Variants in TEX9 observed in about 807,000 individuals in gnomAD.
TEX9 encodes the protein testis-expressed protein 9.
Under a neutral mutation model 59.6 loss-of-function variants are expected in TEX9, and 74 were observed. The observed-to-expected ratio is 1.24, with a 90% CI of 1.03 to 1.51. The LOEUF (loss-of-function observed/expected upper bound fraction) is 1.51, where lower values mean the gene tolerates loss of function less well. TEX9 is among the 40% of genes most tolerant of loss of function. TEX9 has a pLI of 0.00. For missense variants in TEX9, 522 were observed against 447.8 expected, an observed-to-expected ratio of 1.17 and a Z score of -1.49; for synonymous variants, 186 against 152.2, an observed-to-expected ratio of 1.22 and a Z score of -1.64.
chr15:56,439,079 T>C (rs1261884140), intron 12 of TEX9, among the ~76,000 whole-genome samples: 3 of 152,080 alleles, frequency 2.0e-5, no homozygotes, highest in Non-Finnish European at 4.4e-5. Context: ...AGCTAACAAG[T>C]GAATTCAGCA....
At chr15:56,246,116 G>T (rs1051064945) in intron 1 of TEX9, among the ~76,000 whole-genome samples, 22 of 152,278 alleles carry the variant, frequency 1.4e-4, no homozygotes, top group African/African-American at 5.3e-4. Flanking sequence ...TGTCACACAG[G>T]CTGGCTTCCC....
At chr15:56,366,768 T>C (rs2046964802) in intron 2 of TEX9, among the ~76,000 whole-genome samples, 1 of 152,198 alleles carries the variant, frequency 6.6e-6, no homozygotes, top group Admixed American at 6.5e-5. Context: ...ACTAGAGTTA[T>C]CGTATGATCT....
At chr15:56,254,584 C>G (rs934593566) in intron 1 of TEX9, among the ~76,000 whole-genome samples, 6 of 151,282 alleles carry the variant, frequency 4.0e-5, no homozygotes, top group African/African-American at 1.5e-4. Flanking sequence ...TGACCCACAT[C>G]AAGCAGAAGG....
exon 1 of TEX9, chr15:56,365,459 G>A (rs769310746): frequency 1.7e-5 from 28 of 1,612,696 alleles, no homozygotes; most frequent in Non-Finnish European, 2.3e-5. Flanking sequence ...AGATGGCGGG[G>A]CGAAGTCTGT....
chr15:56,314,677 A>C (rs2045710705), intron 1 of TEX9, among the ~76,000 whole-genome samples: 1 of 152,134 alleles, frequency 6.6e-6, no homozygotes, highest in African/African-American at 2.4e-5. Flanking sequence ...TTCTTGGTGC[A>C]GAGCTGAGTT....
intron 1 of TEX9, among the ~76,000 whole-genome samples, chr15:56,356,423 A>C (rs2725865): frequency 0.048 from 7,348 of 152,092 alleles, 463 homozygotes; most frequent in African/African-American, 0.14. Flanking sequence ...GCCTGCATGC[A>C]TGTTTATCAT....
intron 1 of TEX9, chr15:56,244,402 G>A (rs1032599306): frequency 1.3e-5 from 2 of 152,074 alleles, no homozygotes; most frequent in Admixed American, 6.5e-5. Context: ...AGTGCTCCTC[G>A]GTCGGGCATT....
intron 1 of TEX9, among the ~76,000 whole-genome samples, chr15:56,301,061 G>A (rs555350572): frequency 2.0e-5 from 3 of 152,186 alleles, no homozygotes; most frequent in Non-Finnish European, 4.4e-5. Context: ...GTGACCTTTC[G>A]GACAGAGAAT....
At chr15:56,244,533 C>T (rs1297962975) in intron 1 of TEX9, among the ~76,000 whole-genome samples, 1 of 152,168 alleles carries the variant, frequency 6.6e-6, no homozygotes, top group Non-Finnish European at 1.5e-5. Context: ...GCAGCAGATT[C>T]ATTCTTCCTT....
chr15:56,332,723 C>CA (rs1232500155), intron 1 of TEX9, among the ~76,000 whole-genome samples: 6 of 149,560 alleles, frequency 4.0e-5, no homozygotes, highest in African/African-American at 9.8e-5. Flanking sequence ...GAAAAAACAT[C>CA]AAAAAAACAA....
the TEX9 span, among the ~76,000 whole-genome samples, chr15:56,457,781 C>T: frequency 6.6e-6 from 1 of 151,690 alleles, no homozygotes; most frequent in Admixed American, 6.6e-5. Flanking sequence ...TGCCACTGCA[C>T]TCCAGCTGGG....
At chr15:56,281,856 G>A (rs2044827632) in intron 1 of TEX9, among the ~76,000 whole-genome samples, 1 of 152,090 alleles carries the variant, frequency 6.6e-6, no homozygotes, top group South Asian at 2.1e-4. Context: ...GCAGTTTGAG[G>A]CACTTGATTC....
chr15:56,298,066 C>G (rs1216345703), intron 1 of TEX9, among the ~76,000 whole-genome samples: 1 of 152,130 alleles, frequency 6.6e-6, no homozygotes, highest in Non-Finnish European at 1.5e-5. Flanking sequence ...ATTTTAATAC[C>G]CCACCAAGTT....
Position 56,436,719 on chromosome 15 carries a change from T to TA in TEX9, c.*29+8248dup, listed in dbSNP as rs543830610. 4.0e-5 allele frequency among the ~76,000 whole-genome samples: 6 copies of TA among 151,798 alleles called. No homozygotes were observed. In the East Asian group the frequency reaches 1.2e-3, roughly 29 times the overall value. On this transcript the variant is annotated intron_variant, in intron 12 of 12. Coordinates refer to ENST00000352903, the Ensembl canonical transcript of TEX9. The stretch of plus-strand genomic sequence containing the variant: ...ATTGATAGACCGCTAGCAAGACTCA[T>TA]AACAAAGAAAAGAGAGAAGAATCAA...
At chr15:56,424,837 T>A (rs1305906975) in intron 10 of TEX9, among the ~76,000 whole-genome samples, 2 of 152,194 alleles carry the variant, frequency 1.3e-5, no homozygotes, top group Non-Finnish European at 2.9e-5. Context: ...ATATTTACAT[T>A]TACTGGGGAA....
intron 9 of TEX9, chr15:56,395,178 T>G (rs1490676223): frequency 7.6e-6 from 2 of 263,796 alleles, no homozygotes; most frequent in Non-Finnish European, 1.4e-5. Flanking sequence ...CTATTTTATG[T>G]CTCAATAAAT....
chr15:56,319,650 A>G lies in TEX9; in HGVS notation c.-106-53791A>G, dbSNP rs145638674. 1.8e-3 allele frequency among the ~76,000 whole-genome samples: 278 copies of G among 152,280 alleles called. 1 individual carries two copies. The highest frequency in any genetic ancestry group is 6.4e-3 in the African/African-American group (268 of 41,564). ...CTCAAAATCCAACTTGTCTGGGCCC[A>G]GCAGAAACCTAGGGAAATGGCAGCA... is the stretch of plus-strand genomic sequence containing the variant. On this transcript the variant is annotated intron_variant, in intron 1 of 5. Transcript: ENST00000560827.
intron 10 of TEX9, among the ~76,000 whole-genome samples, chr15:56,418,086 G>A (rs1395480318): frequency 6.6e-6 from 1 of 151,700 alleles, no homozygotes; most frequent in Non-Finnish European, 1.5e-5. Context: ...ATGTCAGATG[G>A]GTCTTCTGAA....
intron 1 of TEX9, among the ~76,000 whole-genome samples, chr15:56,289,287 G>GT (rs143427171): frequency 1.2e-4 from 18 of 152,032 alleles, no homozygotes; most frequent in African/African-American, 3.9e-4. Flanking sequence ...ATGTCTTCTT[G>GT]TTTTTTTCAT....
Sources: allele counts gnomAD v4.1 joint callset (sites outside exome capture counted in the v4.1 genomes callset), GRCh38; gene constraint gnomAD v4.1.1; transcripts MANE v1.5; gene names NCBI Gene and HGNC (gene_info 2026-07-23, HGNC 2026-07-21).